ASAH2: variants seen among roughly 807,000 people sequenced by gnomAD.
ASAH2 encodes neutral ceramidase.
ASAH2 carries 58 observed loss-of-function variants against 82.9 expected under a neutral mutation model. The observed-to-expected ratio is 0.70, with a 90% CI of 0.57 to 0.87. The LOEUF is 0.87. Ranked by LOEUF, ASAH2 falls within the 40% of genes least tolerant of loss-of-function variation. The probability of loss-of-function intolerance (pLI) is 0.00; values close to 1 mark genes in which losing one functional copy is unlikely to be tolerated. For synonymous variants in ASAH2, 276 were observed against 289.7 expected, an observed-to-expected ratio of 0.95 and a Z score of 0.48; for missense variants, 779 against 834.0, an observed-to-expected ratio of 0.93 and a Z score of 0.81.
intron 13 of ASAH2, among the ~76,000 whole-genome samples, chr10:50,205,603 G>T (rs931204596): frequency 1.7e-4 from 26 of 152,000 alleles, no homozygotes; most frequent in Non-Finnish European, 3.7e-4. Context: ...TGAACTGTGA[G>T]AAAATTTAGA....
rs1410322624 is a variant in ASAH2, at chr10:50,185,998, C to T, written c.*1317G>A. 1.5e-4 allele frequency: 22 copies of T among 149,768 alleles called. No homozygotes were observed. The highest frequency in any genetic ancestry group is 2.1e-4 in the South Asian group (1 of 4,766). The allele number at this position is 149,768 out of a possible 1,614,324, so 9.3% of individuals were successfully genotyped here. ...TAAAGAATTTTAAATGCAATTAGTA[C>T]TTTCAGACAATCGATGTCAGACTGT... On this transcript the variant is annotated 3_prime_UTR_variant, in exon 21 of 21. Coordinates refer to ENST00000682911, the MANE Select transcript of ASAH2 (RefSeq NM_019893.4).
intron 4 of ASAH2, among the ~76,000 whole-genome samples, chr10:50,241,973 C>T (rs1165996264): frequency 6.6e-6 from 1 of 151,956 alleles, no homozygotes; most frequent in East Asian, 1.9e-4. Flanking sequence ...CACCATGGCA[C>T]ATGTATAGCT....
intron 17 of ASAH2, among the ~76,000 whole-genome samples, chr10:50,198,037 G>T (rs1845033119): frequency 6.6e-6 from 1 of 151,380 alleles, no homozygotes; most frequent in Non-Finnish European, 1.5e-5. Context: ...TATGTGCAAA[G>T]AAATTATATA....
intron 12 of ASAH2, among the ~76,000 whole-genome samples, chr10:50,208,637 A>G (rs1795859139): frequency 6.6e-6 from 1 of 152,120 alleles, no homozygotes; most frequent in Admixed American, 6.6e-5. Flanking sequence ...TAAAATTACA[A>G]AACATTGTTG....
At chr10:50,241,066 C>T (rs1427176537) in intron 4 of ASAH2, among the ~76,000 whole-genome samples, 3 of 152,186 alleles carry the variant, frequency 2.0e-5, no homozygotes, top group Non-Finnish European at 2.9e-5. Flanking sequence ...GCTGCTGTGT[C>T]GTAAGGATAG....
chr10:50,233,988 G>C (rs1846081962), intron 6 of ASAH2, among the ~76,000 whole-genome samples: 1 of 151,870 alleles, frequency 6.6e-6, no homozygotes, highest in African/African-American at 2.4e-5. Context: ...ATTTATTCTG[G>C]ATAACACATA....
chr10:50,242,519 A>G (rs1042551402), intron 4 of ASAH2, among the ~76,000 whole-genome samples: 1 of 152,172 alleles, frequency 6.6e-6, no homozygotes, highest in African/African-American at 2.4e-5. Context: ...TCTCTTAGTG[A>G]CCTGATTCCA....
chr10:50,242,060 A>G (rs937881632), intron 4 of ASAH2, among the ~76,000 whole-genome samples: 1 of 151,984 alleles, frequency 6.6e-6, no homozygotes, highest in African/African-American at 2.4e-5. Context: ...AAGAATGTGG[A>G]CTCTGGGATT....
chr10:50,185,701 G>A lies in ASAH2; in HGVS notation c.*1614C>T, dbSNP rs1215007711. The A allele has an allele frequency of 4.8e-4, 66 of 138,212 alleles. No homozygotes were observed. The highest frequency in any genetic ancestry group is 1.7e-3 in the African/African-American group (60 of 34,882). 8.6% of individuals were successfully genotyped at this position (138,212 alleles called of 1,614,324 possible). On this transcript the variant is annotated 3_prime_UTR_variant, in exon 21 of 21. Coordinates refer to ENST00000682911, the MANE Select transcript of ASAH2 (RefSeq NM_019893.4). ...TCCCTGATTACCTAATCCTCCAGCA[G>A]TTAATGCCCAAGGAAACAGCCTCTA... is the stretch of plus-strand genomic sequence containing the variant.
chr10:50,243,090 T>TAATAGAATTACCTG (rs1846346823), intron 4 of ASAH2, 112 bp downstream of exon 4: 2 of 1,220,436 alleles, frequency 1.6e-6, no homozygotes, highest in Non-Finnish European at 2.4e-6. Flanking sequence ...ATATTGAAGG[T>TAATAGAATTACCTG]AATAGAATTT....
chr10:50,187,885 A>ATATATG lies in ASAH2; in HGVS notation c.2154-382_2154-381insCATATA, dbSNP rs200932750. Among the ~76,000 whole-genome samples the ATATATG allele has an allele frequency of 0.018, 322 of 18,326 alleles. 98 individuals are homozygous for ATATATG. In the East Asian group the frequency reaches 0.63, roughly 36 times the overall value. 12.0% of individuals were successfully genotyped at this position (18,326 alleles called of 152,430 possible). A position where few individuals can be genotyped will look rare whatever the true frequency, so the allele number is the denominator to read the frequency against. On this transcript the variant is annotated intron_variant, in intron 20 of 20. Coordinates refer to ENST00000682911, the MANE Select transcript of ASAH2 (RefSeq NM_019893.4). ...AGATTCATTTGTTTTCTATATATAT[A>ATATATG]TGTGTGTGTGTATATATATATATAT... is the stretch of plus-strand genomic sequence containing the variant.
chr10:50,240,486 T>C (rs1399798083), intron 4 of ASAH2: 4 of 702,092 alleles, frequency 5.7e-6, no homozygotes, highest in Admixed American at 2.0e-5. Context: ...ACCTGCTTAA[T>C]CATCCTAAAA....
intron 7 of ASAH2, among the ~76,000 whole-genome samples, chr10:50,232,391 A>C (rs1846042071): frequency 1.3e-5 from 2 of 152,078 alleles, no homozygotes; most frequent in Non-Finnish European, 2.9e-5. Context: ...ATTGCTAATA[A>C]GGACAAGAGC....
At chr10:50,205,734 T>G (rs1845275336) in intron 13 of ASAH2, among the ~76,000 whole-genome samples, 1 of 152,020 alleles carries the variant, frequency 6.6e-6, no homozygotes, top group Non-Finnish European at 1.5e-5. Flanking sequence ...CATCTTATTC[T>G]GCCTTTCCCA....
At chr10:50,244,031 G>A (rs1358957865) in intron 3 of ASAH2, among the ~76,000 whole-genome samples, 1 of 152,164 alleles carries the variant, frequency 6.6e-6, no homozygotes, top group African/African-American at 2.4e-5. Context: ...ATTAGGCAAA[G>A]TATGAAAATA....
intron 7 of ASAH2, among the ~76,000 whole-genome samples, chr10:50,229,003 G>A (rs1845961763): frequency 6.6e-6 from 1 of 152,166 alleles, no homozygotes; most frequent in African/African-American, 2.4e-5. Context: ...ACCTGTCTCA[G>A]AGCTGCCTTC....
At chr10:50,231,379 T>C (rs1279125988) in intron 7 of ASAH2, among the ~76,000 whole-genome samples, 1 of 152,228 alleles carries the variant, frequency 6.6e-6, no homozygotes, top group Non-Finnish European at 1.5e-5. Context: ...CCAACTCAAA[T>C]GTCATTTTCT....
At chr10:50,227,772 A>G (rs1845927615) in intron 7 of ASAH2, among the ~76,000 whole-genome samples, 1 of 152,166 alleles carries the variant, frequency 6.6e-6, no homozygotes, top group East Asian at 1.9e-4. Flanking sequence ...AATTTAAACT[A>G]CACTAGGCTG....
chr10:50,223,373 C>T (rs1458212632), intron 7 of ASAH2, among the ~76,000 whole-genome samples: 2 of 152,080 alleles, frequency 1.3e-5, no homozygotes, highest in African/African-American at 2.4e-5. Context: ...AGAACACTGG[C>T]AAAGGGGGTA....
Sources: allele counts gnomAD v4.1 joint callset (sites outside exome capture counted in the v4.1 genomes callset), GRCh38; gene constraint gnomAD v4.1.1; transcripts MANE v1.5; gene names NCBI Gene and HGNC (gene_info 2026-07-23, HGNC 2026-07-21).